The following ZNF362 variants were observed in gnomAD, a reference collection of about 807,000 sequenced individuals.
ZNF362 encodes rotund homolog.
Under a neutral mutation model 42.9 loss-of-function variants are expected in ZNF362, and 11 were observed. That is an observed-to-expected ratio of 0.26 (90% CI 0.16 to 0.42). The LOEUF is 0.42. ZNF362 is among the 20% of genes least tolerant of loss of function. The probability of loss-of-function intolerance (pLI) is 1.00; values close to 1 mark genes in which losing one functional copy is unlikely to be tolerated. For synonymous variants in ZNF362, 255 were observed against 257.3 expected (o/e 0.99, Z 0.09); for missense variants, 362 against 576.2 (o/e 0.63, Z 3.81).
At chr1:33,156,920 T>G in the ZNF362 span, among the ~76,000 whole-genome samples, 6 of 144,376 alleles carry the variant, frequency 4.2e-5, no homozygotes, top group African/African-American at 1.5e-4. Context: ...ATGTCCTAAA[T>G]CCCACCCCTT....
At chr1:33,258,898 T>A (rs977218150) in intron 1 of ZNF362, among the ~76,000 whole-genome samples, 3 of 152,174 alleles carry the variant, frequency 2.0e-5, no homozygotes, top group Non-Finnish European at 4.4e-5. Flanking sequence ...GGTTGAACAG[T>A]GGCAGAGGAG....
chr1:33,191,103 G>T, the ZNF362 span, among the ~76,000 whole-genome samples: 4 of 152,272 alleles, frequency 2.6e-5, no homozygotes, highest in African/African-American at 9.6e-5. Context: ...CACCAGCCGT[G>T]GGCATGGTAT....
At chr1:33,197,716 G>GGCCAAGGAA in the ZNF362 span, among the ~76,000 whole-genome samples, 44 of 152,280 alleles carry the variant, frequency 2.9e-4, no homozygotes, top group South Asian at 4.6e-3. Context: ...AGAGCTGAGA[G>GGCCAAGGAA]GCCAAGGAAG....
chr1:33,216,193 TTTAA>T, the ZNF362 span, among the ~76,000 whole-genome samples: 1 of 98,686 alleles, frequency 1.0e-5, no homozygotes, highest in Non-Finnish European at 2.2e-5. Flanking sequence ...AATGAGACAG[TTTAA>T]TTAAATGCAG....
rs960015815 is a variant in ZNF362, at chr1:33,294,790, G to T, written c.909-147G>T. 1.2e-6 allele frequency: 1 copy of T among 810,406 alleles called. No homozygotes were observed. The highest frequency in any genetic ancestry group is 2.4e-5 in the Admixed American group (1 of 41,300). The allele number at this position is 810,406 out of a possible 1,614,324, so 50.2% of individuals were successfully genotyped here. ...AGAGCCATGGCCGTTGAAGTCCCCAGCTCTTGCCTGGGCTCACTCTTGGTC... is the reference window on the plus strand; with the variant it reads ...AGAGCCATGGCCGTTGAAGTCCCCATCTCTTGCCTGGGCTCACTCTTGGTC... On this transcript the variant is annotated intron_variant, in intron 6 of 8. Transcript: ENST00000539719. This position sits in a 1 kb window ranked among gnomAD's most constrained non-coding sequence, Gnocchi z 4.2.
the ZNF362 span, among the ~76,000 whole-genome samples, chr1:33,234,877 A>T: frequency 6.6e-6 from 1 of 152,232 alleles, no homozygotes; most frequent in East Asian, 1.9e-4. Context: ...TTCCCAGAGG[A>T]GGCCTCACAG....
chr1:33,177,402 T>G, the ZNF362 span, among the ~76,000 whole-genome samples: 1 of 152,120 alleles, frequency 6.6e-6, no homozygotes, highest in African/African-American at 2.4e-5. The surrounding 1 kb of genome is among the most constrained non-coding windows in gnomAD (Gnocchi z 4.1). Flanking sequence ...TTGTTATAGA[T>G]GAACCTTAGA....
chr1:33,167,238 G>C, the ZNF362 span, among the ~76,000 whole-genome samples: 1 of 152,132 alleles, frequency 6.6e-6, no homozygotes, highest in Non-Finnish European at 1.5e-5. The surrounding 1 kb of genome is among the most constrained non-coding windows in gnomAD (Gnocchi z 4.2). Context: ...CTGGATTCAC[G>C]GTCTTCCTTG....
chr1:33,219,066 A>G, the ZNF362 span, among the ~76,000 whole-genome samples: 1 of 151,928 alleles, frequency 6.6e-6, no homozygotes, highest in Non-Finnish European at 1.5e-5. Flanking sequence ...GGCCCCAAAC[A>G]CAAATTATTT....
chr1:33,168,482 C>G, the ZNF362 span, among the ~76,000 whole-genome samples: 1 of 152,154 alleles, frequency 6.6e-6, no homozygotes, highest in Non-Finnish European at 1.5e-5. Context: ...AGTAGTTGGA[C>G]TTGGCATTGG....
At chr1:33,282,138 G>A (rs1306110776) in intron 6 of ZNF362, among the ~76,000 whole-genome samples, 4 of 152,162 alleles carry the variant, frequency 2.6e-5, no homozygotes, top group Non-Finnish European at 5.9e-5. Flanking sequence ...AGCTGGGTGA[G>A]GGACCCGACC....
chr1:33,272,261 G>A (rs1195213264), intron 2 of ZNF362, among the ~76,000 whole-genome samples: 1 of 152,192 alleles, frequency 6.6e-6, no homozygotes, highest in African/African-American at 2.4e-5. Context: ...CCTTATAGGT[G>A]AGAGTTCTTT....
At chr1:33,187,521 A>G in the ZNF362 span, among the ~76,000 whole-genome samples, 1 of 152,162 alleles carries the variant, frequency 6.6e-6, no homozygotes, top group Admixed American at 6.5e-5. Context: ...TCCAGACCCC[A>G]CTGCTGTAGT....
Position 33,294,803 on chromosome 1 carries a change from C to A in ZNF362, c.909-134C>A. On this transcript the variant is annotated intron_variant, in intron 6 of 8. Transcript: ENST00000539719. The surrounding 1 kb of genome is among the most constrained non-coding windows in gnomAD (Gnocchi z 4.2). Reference sequence around the variant, plus strand: ...TTGAAGTCCCCAGCTCTTGCCTGGGCTCACTCTTGGTCCTTGGGGAGCATG... The same window carrying A: ...TTGAAGTCCCCAGCTCTTGCCTGGGATCACTCTTGGTCCTTGGGGAGCATG... 1 of 914,308 alleles carries A rather than the reference C, an allele frequency of 1.1e-6. No individual in the cohort carries two copies. 56.6% of individuals were successfully genotyped at this position (914,308 alleles called of 1,614,324 possible).
chr1:33,158,224 G>C, the ZNF362 span: 1 of 1,598,016 alleles, frequency 6.3e-7, no homozygotes, highest in Middle Eastern at 1.7e-4. Flanking sequence ...GCCCCACCTA[G>C]CTCTGGACCA....
chr1:33,170,067 T>C, the ZNF362 span, among the ~76,000 whole-genome samples: 1 of 152,128 alleles, frequency 6.6e-6, no homozygotes, highest in Non-Finnish European at 1.5e-5. Flanking sequence ...CTCACACCTG[T>C]AATCCCAACC....
the ZNF362 span, among the ~76,000 whole-genome samples, chr1:33,138,223 G>T: frequency 6.6e-6 from 1 of 152,178 alleles, no homozygotes; most frequent in Admixed American, 6.5e-5. Context: ...GGAAAAGTAG[G>T]CTTCTAAGGT....
chr1:33,192,365 A>T, the ZNF362 span, among the ~76,000 whole-genome samples: 1 of 152,214 alleles, frequency 6.6e-6, no homozygotes, highest in African/African-American at 2.4e-5. Flanking sequence ...ATGGAATCTT[A>T]TTACCATTGG....
the ZNF362 span, among the ~76,000 whole-genome samples, chr1:33,177,887 A>G: frequency 1.3e-5 from 2 of 152,164 alleles, no homozygotes; most frequent in Non-Finnish European, 2.9e-5. The surrounding 1 kb of genome is among the most constrained non-coding windows in gnomAD (Gnocchi z 4.1). Flanking sequence ...TTTAATCCTA[A>G]TATAATTACT....
Sources: gnomAD v4.1 joint callset for allele counts (sites outside exome capture counted in the v4.1 genomes callset) on GRCh38, gnomAD v4.1.1 for gene constraint, Gnocchi (gnomAD v3.1) non-coding constraint, MANE v1.5 for transcripts, NCBI Gene and HGNC (gene_info 2026-07-23, HGNC 2026-07-21) for gene names.